PLXNA4: variants seen among roughly 807,000 people sequenced by gnomAD.
PLXNA4 encodes plexin A4.
A neutral mutation model predicts 191.8 loss-of-function variants in PLXNA4; 44 were observed. The observed-to-expected ratio is 0.23, with a 90% CI of 0.18 to 0.29. The LOEUF (loss-of-function observed/expected upper bound fraction) is 0.29, where lower values mean the gene tolerates loss of function less well. Ranked by LOEUF, PLXNA4 falls within the 10% of genes least tolerant of loss-of-function variation. PLXNA4 has a pLI of 1.00. For missense variants in PLXNA4, 1,800 were observed against 2,488.8 expected (o/e 0.72, Z 5.89); for synonymous variants, 1,082 against 1,009.5 (o/e 1.07, Z -1.36).
intron 1 of PLXNA4, among the ~76,000 whole-genome samples, chr7:132,566,957 C>T (rs945346558): frequency 1.3e-5 from 2 of 152,224 alleles, no homozygotes; most frequent in Non-Finnish European, 2.9e-5. Flanking sequence ...CTGGTTTTTT[C>T]ACCTCTGAAG....
rs1794843120 is a variant in PLXNA4, at chr7:132,128,563, TACAAAGG to T, written c.*1909_*1915del. 1 of 152,144 alleles carries T rather than the reference TACAAAGG, an allele frequency of 6.6e-6. No individual in the cohort carries two copies. The highest frequency in any genetic ancestry group is 1.5e-5 in the Non-Finnish European group (1 of 68,042). The allele number at this position is 152,144 out of a possible 1,614,324, so 9.4% of individuals were successfully genotyped here. A position where few individuals can be genotyped will look rare whatever the true frequency, so the allele number is the denominator to read the frequency against. On this transcript the variant is annotated 3_prime_UTR_variant, in exon 32 of 32. Transcript: ENST00000321063. The stretch of plus-strand genomic sequence containing the variant: ...AAGGGGAACACTTCAAAAATCCTCC[TACAAAGG>T]ACAAGAAATCCTTTTGAGCTTTCCG...
At position 132,164,299 on chromosome 7, in the gene PLXNA4, G is replaced by A. The variant is rs1796034777; in HGVS notation, c.4354-11C>T. 1.2e-6 allele frequency: 2 copies of A among 1,613,296 alleles called. No homozygotes were observed. The highest frequency in any genetic ancestry group is 1.7e-5 in the Admixed American group (1 of 59,994). Reference sequence around the variant, plus strand: ...CTCCCCAGCACACTCCTGGAGGTGAGAAGAACGTCATTAGGAGGAGCTCTT... The same window carrying A: ...CTCCCCAGCACACTCCTGGAGGTGAAAAGAACGTCATTAGGAGGAGCTCTT... On this transcript the variant is annotated splice_polypyrimidine_tract_variant and intron_variant, in intron 23 of 31. Transcript: ENST00000321063.
intron 3 of PLXNA4, among the ~76,000 whole-genome samples, chr7:132,409,657 C>T (rs1343406400): frequency 2.0e-5 from 3 of 152,218 alleles, no homozygotes; most frequent in Non-Finnish European, 4.4e-5. Context: ...TTACATGGGA[C>T]TGTATCTCTC....
At chr7:132,633,295 T>A (rs1803529609) in intron 2 of PLXNA4, among the ~76,000 whole-genome samples, 1 of 151,384 alleles carries the variant, frequency 6.6e-6, no homozygotes, top group African/African-American at 2.4e-5. Flanking sequence ...TTTTTTTTTT[T>A]TTTTTTAAGA....
chr7:132,405,000 A>G (rs1794153163), intron 3 of PLXNA4, among the ~76,000 whole-genome samples: 1 of 152,074 alleles, frequency 6.6e-6, no homozygotes, highest in African/African-American at 2.4e-5. Context: ...TCTACTTTAA[A>G]ATAACATCAA....
At chr7:132,609,729 C>G (rs1476948260) in intron 2 of PLXNA4, among the ~76,000 whole-genome samples, 2 of 152,214 alleles carry the variant, frequency 1.3e-5, no homozygotes, top group South Asian at 2.1e-4. Context: ...AGATTTGAAC[C>G]TCTGGCTGTC....
intron 1 of PLXNA4, among the ~76,000 whole-genome samples, chr7:132,533,925 C>CTATTATTATTATTAT (rs61158936): frequency 4.5e-4 from 67 of 150,074 alleles, no homozygotes; most frequent in Middle Eastern, 7.0e-3. Flanking sequence ...AAGGATATTA[C>CTATTATTATTATTAT]TATTATTATT....
intron 4 of PLXNA4, among the ~76,000 whole-genome samples, chr7:132,259,837 C>T (rs1453303325): frequency 6.6e-6 from 1 of 152,060 alleles, no homozygotes; most frequent in Non-Finnish European, 1.5e-5. Flanking sequence ...TATGGAGGAA[C>T]CTAAAATGCA....
At chr7:132,464,237 G>A (rs933012950) in intron 3 of PLXNA4, among the ~76,000 whole-genome samples, 1 of 152,226 alleles carries the variant, frequency 6.6e-6, no homozygotes, top group Non-Finnish European at 1.5e-5. Flanking sequence ...GGAAGGGTGA[G>A]GAGGTAAGTG....
At chr7:132,615,927 A>ATCTCTCTCTCTCTCTCTCTCTC (rs370549958) in intron 2 of PLXNA4, among the ~76,000 whole-genome samples, 1,521 of 83,540 alleles carry the variant, frequency 0.018, 99 homozygotes, top group Middle Eastern at 0.025. Context: ...CAGATAAAGG[A>ATCTCTCTCTCTCTCTCTCTCTC]TCTCTCTCTC....
chr7:132,383,213 GA>G (rs1804970909), intron 3 of PLXNA4, among the ~76,000 whole-genome samples: 1 of 152,024 alleles, frequency 6.6e-6, no homozygotes, highest in Admixed American at 6.6e-5. Context: ...CAGCCCACTT[GA>G]AAAAAGACCC....
intron 5 of PLXNA4, 126 bp downstream of exon 5, chr7:132,240,940 G>A: frequency 1.6e-6 from 1 of 610,938 alleles, no homozygotes; most frequent in South Asian, 3.3e-5. Context: ...ATGCAAGGAA[G>A]GAAGAGCAAG....
chr7:132,227,369 G>C, intron 7 of PLXNA4, 82 bp downstream of exon 7: 1 of 1,567,686 alleles, frequency 6.4e-7, no homozygotes, highest in Non-Finnish European at 8.7e-7. Flanking sequence ...AGGTTGCTTT[G>C]ATCCCCCCAC....
intron 3 of PLXNA4, among the ~76,000 whole-genome samples, chr7:132,479,519 C>T (rs1045767337): frequency 6.6e-6 from 1 of 152,192 alleles, no homozygotes; most frequent in Admixed American, 6.5e-5. Context: ...AAGGGGAATA[C>T]GGCCTTCCAC....
At chr7:132,541,796 G>T (rs912587243) in intron 1 of PLXNA4, among the ~76,000 whole-genome samples, 3 of 152,196 alleles carry the variant, frequency 2.0e-5, no homozygotes, top group Non-Finnish European at 2.9e-5. Flanking sequence ...TTGTGGGGAT[G>T]GGCTCAGTTT....
At chr7:132,294,719 A>C (rs1407457876) in intron 4 of PLXNA4, among the ~76,000 whole-genome samples, 3 of 152,228 alleles carry the variant, frequency 2.0e-5, no homozygotes, top group Non-Finnish European at 4.4e-5. Context: ...GGTGGGACAC[A>C]GCAAAACCAT....
chr7:132,244,259 C>T (rs1205100259), intron 4 of PLXNA4, among the ~76,000 whole-genome samples: 1 of 152,172 alleles, frequency 6.6e-6, no homozygotes, highest in Non-Finnish European at 1.5e-5. Flanking sequence ...TCAGTCCTAA[C>T]ATCCTAAGCT....
At chr7:132,504,489 A>G (rs1026813041) in intron 2 of PLXNA4, among the ~76,000 whole-genome samples, 1 of 152,188 alleles carries the variant, frequency 6.6e-6, no homozygotes, top group Non-Finnish European at 1.5e-5. Context: ...GAAGAGCCCC[A>G]TGGGAGGAGC....
chr7:132,271,664 C>T (rs529299531), intron 4 of PLXNA4, among the ~76,000 whole-genome samples: 2 of 152,156 alleles, frequency 1.3e-5, no homozygotes, highest in East Asian at 1.9e-4. Context: ...AACACCACTG[C>T]CATGAAATGA....
Sources: allele counts gnomAD v4.1 joint callset (sites outside exome capture counted in the v4.1 genomes callset), GRCh38; gene constraint gnomAD v4.1.1; transcripts MANE v1.5; gene names NCBI Gene and HGNC (gene_info 2026-07-23, HGNC 2026-07-21).